The following CFAP92 variants were observed in gnomAD, a reference collection of about 807,000 sequenced individuals.
The protein encoded by CFAP92 is uncharacterized protein CFAP92.
Under a neutral mutation model 106.3 loss-of-function variants are expected in CFAP92, and 86 were observed. The observed-to-expected ratio is 0.81, with a 90% CI of 0.68 to 0.97. The LOEUF (loss-of-function observed/expected upper bound fraction) is 0.97. CFAP92 is among the 50% of genes least tolerant of loss of function. The pLI, the probability that CFAP92 is intolerant of heterozygous loss-of-function variation, is 0.00. For missense variants in CFAP92, 1,204 were observed against 1,283.8 expected (o/e 0.94, Z 0.95); for synonymous variants, 477 against 506.4 (o/e 0.94, Z 0.78).
rs997828697 is a variant in CFAP92 at position 128,978,158 on chromosome 3, C to T, written c.695G>A (p.Arg232Lys). ...CTCAATGCCCTGTTCAGATAATTTT[C>T]TCTGATTTAAAACCAAATGTCTCAC... Reference protein sequence around the residue: ...SEVRHLVLNQRKLSEQGIENT... With the variant: ...SEVRHLVLNQKKLSEQGIENT... The change falls in exon 5 of 16, where the codon AGA (arginine) becomes AAA (lysine). Residue 232 changes from arginine to lysine, a missense_variant. Physicochemically the swap from Arg to Lys is conservative, Grantham distance 26. Transcript: ENST00000645291. 2 of 1,613,552 alleles carry T rather than the reference C, an allele frequency of 1.2e-6. No homozygotes were observed. Among genetic ancestry groups the T allele is most frequent in the African/African-American group, 1.3e-5 (1 of 74,884 alleles).
intron 12 of CFAP92, among the ~76,000 whole-genome samples, chr3:128,916,951 A>G (rs1264777977): frequency 6.6e-6 from 1 of 152,210 alleles, no homozygotes; most frequent in Non-Finnish European, 1.5e-5. Flanking sequence ...TTTTACCTTT[A>G]AAAAATTTTT....
chr3:128,985,925 C>A (rs1328525352), intron 4 of CFAP92, among the ~76,000 whole-genome samples: 1 of 152,178 alleles, frequency 6.6e-6, no homozygotes, highest in Non-Finnish European at 1.5e-5. Context: ...CTACTACTGG[C>A]AGCTAGTGGG....
At chr3:128,960,339 T>A (rs1305984482) in intron 9 of CFAP92, among the ~76,000 whole-genome samples, 1 of 152,214 alleles carries the variant, frequency 6.6e-6, no homozygotes, top group African/African-American at 2.4e-5. Flanking sequence ...AAGATCCACC[T>A]CTATGACCTC....
chr3:129,002,149 T>A, intron 1 of CFAP92: 1 of 1,472,074 alleles, frequency 6.8e-7, no homozygotes, highest in Non-Finnish European at 8.9e-7. Context: ...GAGACGCAGA[T>A]CCGCCTGCGC....
At chr3:128,921,635 G>A (rs1366032163) in intron 12 of CFAP92, among the ~76,000 whole-genome samples, 4 of 152,170 alleles carry the variant, frequency 2.6e-5, no homozygotes, top group Non-Finnish European at 4.4e-5. Context: ...GAAATCAAAA[G>A]GCAAAAACTA....
intron 7 of CFAP92, among the ~76,000 whole-genome samples, chr3:128,975,551 T>C (rs1255989741): frequency 6.6e-6 from 1 of 151,478 alleles, no homozygotes; most frequent in Admixed American, 6.6e-5. Flanking sequence ...GATGGATGGA[T>C]AGATGGGGAT....
rs1477201952 is a variant in CFAP92, at chr3:128,915,490, TCTTC to T, written c.2986_2989del (p.Glu996ArgfsTer21). ...GGATTTCTTCTGGGCTTTCTTCTCC[TCTTC>T]CTTCAAGTCCAGGGGCTCCACCATG... On this transcript the variant is annotated frameshift_variant, in exon 14 of 16. Coordinates refer to ENST00000645291, the MANE Select transcript of CFAP92 (RefSeq NM_001394090.1). LOFTEE classifies it high-confidence loss of function. The T allele has an allele frequency of 1.3e-5, 20 of 1,536,026 alleles. No homozygotes were observed. The highest frequency in any genetic ancestry group is 1.5e-5 in the Non-Finnish European group (17 of 1,146,930).
chr3:128,994,130 G>A, upstream of CFAP92: 1 of 985,802 alleles, frequency 1.0e-6, no homozygotes, highest in African/African-American at 1.7e-5. Context: ...ACTCAGCTAC[G>A]TTTGGCGGTT....
intron 1 of CFAP92, among the ~76,000 whole-genome samples, chr3:128,999,531 CTTTTTTTTTT>C (rs5852556): frequency 4.2e-5 from 3 of 71,594 alleles, no homozygotes; most frequent in Non-Finnish European, 4.9e-5. Context: ...AAATCAGGTT[CTTTTTTTTTT>C]TTTTTTTTTT....
chr3:128,980,417 C>T (rs1192074512), intron 4 of CFAP92, among the ~76,000 whole-genome samples: 2 of 148,590 alleles, frequency 1.3e-5, no homozygotes, highest in African/African-American at 4.9e-5. Context: ...TGTGGGTAAT[C>T]ATCTTTCTGC....
intron 7 of CFAP92, among the ~76,000 whole-genome samples, chr3:128,971,850 G>A (rs888998415): frequency 6.6e-6 from 1 of 152,132 alleles, no homozygotes; most frequent in African/African-American, 2.4e-5. Context: ...AACCTCACCT[G>A]TTATATGAGG....
intron 11 of CFAP92, among the ~76,000 whole-genome samples, chr3:128,934,117 G>A (rs1297511980): frequency 7.2e-6 from 1 of 139,116 alleles, no homozygotes; most frequent in African/African-American, 3.0e-5. Context: ...TGGGTCCCAG[G>A]GTATCCCACT....
chr3:128,944,454 T>C (rs1485915361), intron 10 of CFAP92, among the ~76,000 whole-genome samples: 1 of 152,128 alleles, frequency 6.6e-6, no homozygotes, highest in Non-Finnish European at 1.5e-5. Context: ...TGCATCCAAG[T>C]GGGTCCTGGG....
the CFAP92 span, among the ~76,000 whole-genome samples, chr3:129,013,293 G>A: frequency 1.3e-5 from 2 of 152,206 alleles, no homozygotes; most frequent in African/African-American, 2.4e-5. Flanking sequence ...GGATGGAGAG[G>A]GTTCTATATT....
chr3:128,915,479 C>G lies in CFAP92; in HGVS notation c.3001G>C (p.Ala1001Pro), dbSNP rs1448842034. ...PLDLKEEEKK[A>P]QKKSRQAWLT... Reference sequence around the variant, plus strand: ...CAGGCCTGGCGGGATTTCTTCTGGGCTTTCTTCTCCTCTTCCTTCAAGTCC... The same window carrying G: ...CAGGCCTGGCGGGATTTCTTCTGGGGTTTCTTCTCCTCTTCCTTCAAGTCC... The change falls in exon 14 of 16, where the codon GCC becomes CCC. Residue 1001 changes from alanine (A) to proline (P), a missense_variant. Transcript: ENST00000645291. 6.5e-7 allele frequency: 1 copy of G among 1,536,122 alleles called. No individual in the cohort carries two copies. Among genetic ancestry groups the G allele is most frequent in the Admixed American group, 2.0e-5 (1 of 51,002 alleles).
intron 8 of CFAP92, among the ~76,000 whole-genome samples, chr3:128,966,285 T>G (rs1298300500): frequency 6.6e-6 from 1 of 152,240 alleles, no homozygotes; most frequent in Non-Finnish European, 1.5e-5. Context: ...CTGGCCATCG[T>G]TGCAGGAAGG....
chr3:128,931,483 ATGTATGTATG>A (rs1938369693), intron 12 of CFAP92, among the ~76,000 whole-genome samples: 1 of 145,606 alleles, frequency 6.9e-6, no homozygotes, highest in Non-Finnish European at 1.5e-5. Flanking sequence ...ATGTATATAT[ATGTATGTATG>A]TATATGTATA....
chr3:128,910,836 GGGAA>G, intron 15 of CFAP92: 1 of 1,613,234 alleles, frequency 6.2e-7, no homozygotes, highest in Non-Finnish European at 8.5e-7. Flanking sequence ...TCTTGGGGGA[GGGAA>G]GGAAGGGCCC....
chr3:129,004,012 G>GGCGCAACAGGTGCCC, upstream of CFAP92: 7 of 1,507,208 alleles, frequency 4.6e-6, no homozygotes, highest in Non-Finnish European at 6.2e-6. Flanking sequence ...TGGAGGCGCT[G>GGCGCAACAGGTGCCC]GCGCAACAGG....
Sources: allele counts gnomAD v4.1 joint callset (sites outside exome capture counted in the v4.1 genomes callset), GRCh38; gene constraint gnomAD v4.1.1; transcripts MANE v1.5; gene names NCBI Gene and HGNC (gene_info 2026-07-23, HGNC 2026-07-21).